Variants in MATK observed in about 807,000 individuals in gnomAD.
MATK encodes megakaryocyte-associated tyrosine-protein kinase.
A neutral mutation model predicts 59.8 loss-of-function variants in MATK; 41 were observed. The ratio of observed to expected loss-of-function variants is 0.69; its 90% CI spans 0.53 to 0.89. MATK has a LOEUF of 0.89. Ranked by LOEUF, MATK falls within the 40% of genes least tolerant of loss-of-function variation. The pLI is 0.00. For missense variants in MATK, 593 were observed against 719.6 expected (o/e 0.82, Z 2.01); for synonymous variants, 308 against 306.1 (o/e 1.01, Z -0.06).
rs773782396 is a variant in MATK at position 3,778,218 on chromosome 19, C to T, written c.1489G>A (p.Asp497Asn). ...TGGCTTCGGGGCGAGGTGGAGCCGT[C>T]GGCGTCCTGCCCTGAGACGGAGGCT... ...APASVSGQDA[D>N]GSTSPRSQEP Residue 497 changes from aspartate to asparagine, a missense_variant, in exon 14 of 14, where the codon GAC becomes AAC. By Grantham distance (23) the Asp-to-Asn change is conservative. Transcript: ENST00000310132. 5.1e-6 allele frequency: 8 copies of T among 1,570,258 alleles called. No individual in the cohort carries two copies. The highest frequency in any genetic ancestry group is 2.3e-5 in the East Asian group (1 of 44,274).
At chr19:3,791,294 T>C (rs886108889), upstream of MATK, among the ~76,000 whole-genome samples, 1 of 151,852 alleles carries the variant, frequency 6.6e-6, no homozygotes, top group Non-Finnish European at 1.5e-5. Flanking sequence ...GCACCAGGCT[T>C]CTGTCCTTTG....
upstream of MATK, among the ~76,000 whole-genome samples, chr19:3,790,285 C>G (rs1427421595): frequency 6.6e-6 from 1 of 152,192 alleles, no homozygotes; most frequent in East Asian, 1.9e-4. Flanking sequence ...ACTGGACACC[C>G]AGATTCCCCC....
upstream of MATK, chr19:3,786,406 C>T (rs2037485540): frequency 2.0e-6 from 2 of 980,244 alleles, no homozygotes; most frequent in South Asian, 4.6e-5. The surrounding 1 kb of genome is among the most constrained non-coding windows in gnomAD (Gnocchi z 4.1). Flanking sequence ...GCGCCGCCGC[C>T]GCCGCCGGCC....
chr19:3,783,410 G>T, intron 6 of MATK, 191 bp from the exon 7 acceptor site: 1 of 611,444 alleles, frequency 1.6e-6, no homozygotes, highest in Admixed American at 2.8e-5. Context: ...CAACTTGGGG[G>T]GTCCTGGGGG....
In MATK at chr19:3,779,038, C is replaced by A; in HGVS notation, c.1151G>T (p.Ser384Ile). 1 of 1,589,600 alleles carries A rather than the reference C, an allele frequency of 6.3e-7. No individual in the cohort carries two copies. Among genetic ancestry groups the A allele is most frequent in the Admixed American group, 1.8e-5 (1 of 57,066 alleles). The change falls in exon 12 of 14, where the codon AGC becomes ATC. Residue 384 changes from serine (S) to isoleucine (I), a missense_variant. Ser to Ile is a moderately radical substitution (Grantham distance 142). Transcript: ENST00000310132. Reference sequence around the variant, plus strand: ...CGCCGTCCACTTGACGGGCAGCCGGCTTGAGTCTAGCCCCTTCCGCTCGGC... The same window carrying A: ...CGCCGTCCACTTGACGGGCAGCCGGATTGAGTCTAGCCCCTTCCGCTCGGC... ...AKAERKGLDSSRLPVKWTAPE... is the reference protein window; with the variant it reads ...AKAERKGLDSIRLPVKWTAPE...
intron 11 of MATK, 92 bp from the exon 12 acceptor site, chr19:3,779,279 C>T: frequency 1.3e-6 from 2 of 1,559,548 alleles, no homozygotes; most frequent in Non-Finnish European, 1.7e-6. Context: ...CACAAGCTCA[C>T]AAAGCCTCCC....
chr19:3,779,996 C>G (rs1170123574), intron 8 of MATK, among the ~76,000 whole-genome samples, 199 bp from the exon 9 acceptor site: 1 of 152,220 alleles, frequency 6.6e-6, no homozygotes, highest in Non-Finnish European at 1.5e-5. Flanking sequence ...AGAGAACCAT[C>G]TGGCTCTGGC....
chr19:3,782,278 G>A (rs1321476022), intron 7 of MATK, among the ~76,000 whole-genome samples: 6 of 152,148 alleles, frequency 3.9e-5, no homozygotes, highest in African/African-American at 1.2e-4. Context: ...TTCTGCAGAC[G>A]TTCTCTTCTC....
rs564849652 is a variant in MATK at position 3,800,067 on chromosome 19, G to A, written c.-58+1465C>T. On this transcript the variant is annotated intron_variant, in intron 1 of 13. Coordinates refer to the MATK transcript ENST00000395045. ...TGAGGCAGGAGAATGGCGTGAACCCGGGAGGCGGAGCCTGCAGTGAGCCGA... is the reference window on the plus strand; with the variant it reads ...TGAGGCAGGAGAATGGCGTGAACCCAGGAGGCGGAGCCTGCAGTGAGCCGA... Among the ~76,000 whole-genome samples, 38 of 151,238 alleles carry A rather than the reference G, an allele frequency of 2.5e-4. No homozygotes were observed. In the South Asian group the frequency reaches 4.8e-3, roughly 19 times the overall value.
At chr19:3,789,035 A>G (rs941268459), upstream of MATK, among the ~76,000 whole-genome samples, 6 of 152,108 alleles carry the variant, frequency 3.9e-5, no homozygotes, top group African/African-American at 1.4e-4. Context: ...TTACTATTAG[A>G]AGATCTTCTG....
In MATK at chr19:3,778,283, G is replaced by A. The variant is rs771232691; in HGVS notation, c.1424C>T (p.Ala475Val). 1.9e-6 allele frequency: 3 copies of A among 1,574,726 alleles called. No homozygotes were observed. In the Admixed American group the frequency reaches 6.1e-5, roughly 32 times the overall value. Residue 475 changes from alanine to valine, a missense_variant, in exon 14 of 14, where the codon GCC becomes GTC. By Grantham distance (64) the Ala-to-Val change is moderately conservative. Transcript: ENST00000310132. ...PARRPPFRKL[A>V]EKLARELRSA... ...GCGTAGCTCCCGGGCCAGCTTCTCG[G>A]CCAGTTTGCGGAAGGGTGGCCGGCG...
At chr19:3,798,845 G>T (rs902552352) in intron 1 of MATK, among the ~76,000 whole-genome samples, 1 of 151,076 alleles carries the variant, frequency 6.6e-6, no homozygotes, top group East Asian at 1.9e-4. Flanking sequence ...TCACTCTGTC[G>T]TACAGGATGG....
At chr19:3,790,487 C>T (rs138007957), upstream of MATK, among the ~76,000 whole-genome samples, 1,173 of 152,270 alleles carry the variant, frequency 7.7e-3, 9 homozygotes, top group Middle Eastern at 0.024. Flanking sequence ...GTGACTGTGT[C>T]CTCCCTCACT....
chr19:3,780,293 CA>C (rs1271375053), intron 8 of MATK, among the ~76,000 whole-genome samples: 1 of 152,032 alleles, frequency 6.6e-6, no homozygotes, highest in Non-Finnish European at 1.5e-5. Flanking sequence ...AAAAACCCCA[CA>C]AAAAACAAAA....
chr19:3,785,377 G>T, intron 1 of MATK, 91 bp from the exon 2 acceptor site: 1 of 889,752 alleles, frequency 1.1e-6, no homozygotes, highest in Non-Finnish European at 1.6e-6. Context: ...CTGGGGGCAG[G>T]GGCGGGTCCT....
chr19:3,795,342 G>T (rs12983995), intron 1 of MATK, among the ~76,000 whole-genome samples: 50,028 of 148,624 alleles, frequency 0.34, 9,501 homozygotes, highest in East Asian at 0.52. Flanking sequence ...ACGTGATCTC[G>T]GCTCACTGCA....
intron 8 of MATK, 88 bp from the exon 9 acceptor site, chr19:3,779,885 G>T: frequency 1.2e-6 from 1 of 817,614 alleles, no homozygotes; most frequent in Non-Finnish European, 2.1e-6. Context: ...GCTCACACCG[G>T]TGCCCATGTA....
At chr19:3,781,823 G>A (rs2037405748) in intron 7 of MATK, 151 bp from the exon 8 acceptor site, 2 of 665,778 alleles carry the variant, frequency 3.0e-6, no homozygotes, top group South Asian at 1.6e-5. Flanking sequence ...AATGCCCCTA[G>A]GACATATCAG....
chr19:3,783,167 C>T lies in MATK; in HGVS notation c.635G>A (p.Arg212Gln), dbSNP rs138508775. 22 of 1,613,990 alleles carry T rather than the reference C, an allele frequency of 1.4e-5. No homozygotes were observed. The South Asian group carries it at 1.8e-4, about 13-fold the overall frequency. The change falls in exon 7 of 14, where the codon CGG becomes CAG. Residue 212 changes from arginine (R) to glutamine (Q), a missense_variant. Coordinates refer to ENST00000310132, the MANE Select transcript of MATK (RefSeq NM_139355.3). ...CTCGGCCGACTTGGTCCCGTGTTTC[C>T]GCTTTGGTCTCACCAGCTTGGTGCA... ...AICTKLVRPK[R>Q]KHGTKSAEEE...
Sources: gnomAD v4.1 joint callset for allele counts (sites outside exome capture counted in the v4.1 genomes callset) on GRCh38, gnomAD v4.1.1 for gene constraint, Gnocchi (gnomAD v3.1) non-coding constraint, MANE v1.5 for transcripts, NCBI Gene and HGNC (gene_info 2026-07-23, HGNC 2026-07-21) for gene names.